VPS4B: variants seen among roughly 807,000 people sequenced by gnomAD.
The protein encoded by VPS4B is vacuolar protein sorting 4 homolog B, also known as vacuolar protein sorting-associated protein 4B.
VPS4B carries 23 observed loss-of-function variants against 56.1 expected under a neutral mutation model. The observed-to-expected ratio is 0.41, with a 90% CI of 0.30 to 0.58. The LOEUF is 0.58. VPS4B is among the 20% of genes least tolerant of loss of function. The pLI, the probability that VPS4B is intolerant of heterozygous loss-of-function variation, is 0.29. For synonymous variants in VPS4B, 177 were observed against 186.0 expected, an observed-to-expected ratio of 0.95 and a Z score of 0.39; for missense variants, 372 against 531.9, an observed-to-expected ratio of 0.70 and a Z score of 2.96.
intron 5 of VPS4B, among the ~76,000 whole-genome samples, chr18:63,401,661 G>C (rs866351528): frequency 6.6e-6 from 1 of 152,072 alleles, no homozygotes. Context: ...AAATAAAACA[G>C]GTGGGTTACA....
intron 1 of VPS4B, among the ~76,000 whole-genome samples, chr18:63,421,024 CAAGACTCCGTCTCAAA>C (rs1733904638): frequency 8.6e-6 from 1 of 116,576 alleles, no homozygotes; most frequent in Admixed American, 1.1e-4. Flanking sequence ...GGCGACCGTG[CAAGACTCCGTCTCAAA>C]AAAAAAAAAA....
At chr18:63,411,654 A>AAT in intron 1 of VPS4B, 76 bp from the exon 2 acceptor site, 2 of 994,534 alleles carry the variant, frequency 2.0e-6, no homozygotes, top group Non-Finnish European at 2.6e-6. Flanking sequence ...TCATACTGAA[A>AAT]GTTTTTTTTT....
intron 8 of VPS4B, among the ~76,000 whole-genome samples, chr18:63,399,005 A>G (rs1320857419): frequency 6.6e-6 from 1 of 152,188 alleles, no homozygotes; most frequent in African/African-American, 2.4e-5. Flanking sequence ...ATTAGGTAAT[A>G]TATTTTCTAA....
intron 1 of VPS4B, among the ~76,000 whole-genome samples, chr18:63,417,691 C>G (rs977336008): frequency 6.6e-6 from 1 of 151,802 alleles, no homozygotes; most frequent in Non-Finnish European, 1.5e-5. Flanking sequence ...ATTTATTGGC[C>G]TCTCTCTTCT....
intron 9 of VPS4B, among the ~76,000 whole-genome samples, chr18:63,394,505 A>C (rs945255784): frequency 8.7e-5 from 13 of 148,774 alleles, no homozygotes; most frequent in Admixed American, 4.7e-4. Flanking sequence ...CTCGCTTTGT[A>C]GCCCAGGCTG....
chr18:63,418,732 G>C (rs541291125), intron 1 of VPS4B, among the ~76,000 whole-genome samples: 242 of 152,184 alleles, frequency 1.6e-3, no homozygotes, highest in African/African-American at 5.5e-3. Context: ...TTCTTTTCCA[G>C]GCTCCCATTT....
chr18:63,402,642 G>A (rs1297993312), intron 5 of VPS4B, among the ~76,000 whole-genome samples: 1 of 152,182 alleles, frequency 6.6e-6, no homozygotes, highest in Admixed American at 6.5e-5. Context: ...AATTCATGAA[G>A]ATGATACATC....
chr18:63,412,781 C>G (rs1191395909), intron 1 of VPS4B, among the ~76,000 whole-genome samples: 1 of 152,136 alleles, frequency 6.6e-6, no homozygotes, highest in Non-Finnish European at 1.5e-5. Flanking sequence ...CCTGCATCAG[C>G]CTCCCCAAAT....
intron 3 of VPS4B, among the ~76,000 whole-genome samples, chr18:63,408,286 T>C (rs571181427): frequency 7.0e-6 from 1 of 142,070 alleles, no homozygotes; most frequent in East Asian, 2.3e-4. Context: ...TTTAAAACAA[T>C]AACATATAAA....
At chr18:63,411,913 A>C (rs899638451) in intron 1 of VPS4B, among the ~76,000 whole-genome samples, 7 of 152,192 alleles carry the variant, frequency 4.6e-5, no homozygotes, top group Non-Finnish European at 8.8e-5. Flanking sequence ...AAATAATAGA[A>C]TGTGAAAATT....
At chr18:63,415,250 C>A (rs1167075357) in intron 1 of VPS4B, 1 of 152,448 alleles carries the variant, frequency 6.6e-6, no homozygotes, top group Non-Finnish European at 1.5e-5. Flanking sequence ...TTCTGGAGAG[C>A]TAATTATTTT....
rs373274850 is a variant in VPS4B, at chr18:63,413,967, A to G, written c.28-2389T>C. The stretch of plus-strand genomic sequence containing the variant: ...GCCTAAATTCAAAGCTAAATTTTCA[A>G]GTTTTATCAGCTAGTATATGAACAT... On this transcript the variant is annotated intron_variant, in intron 1 of 10. Transcript: ENST00000238497. Among the ~76,000 whole-genome samples, 88 of 152,332 alleles carry G rather than the reference A, an allele frequency of 5.8e-4. 2 individuals carry two copies. In the South Asian group the frequency reaches 0.013, roughly 22 times the overall value.
chr18:63,404,224 ACT>A (rs1874319141), intron 4 of VPS4B, among the ~76,000 whole-genome samples: 2 of 152,212 alleles, frequency 1.3e-5, no homozygotes, highest in African/African-American at 2.4e-5. Context: ...TATCAAAAGT[ACT>A]TGTTCTACCA....
intron 5 of VPS4B, among the ~76,000 whole-genome samples, chr18:63,402,172 C>T (rs1429573785): frequency 6.6e-6 from 1 of 152,160 alleles, no homozygotes; most frequent in East Asian, 1.9e-4. Context: ...ATTTACAAGT[C>T]AGTGTCTGAG....
In VPS4B at chr18:63,420,469, C is replaced by A. The variant is rs376650271; in HGVS notation, c.27+1764G>T. 1.7e-4 allele frequency among the ~76,000 whole-genome samples: 26 copies of A among 152,018 alleles called. 1 individual carries two copies. In the East Asian group the frequency reaches 4.5e-3, roughly 26 times the overall value. On this transcript the variant is annotated intron_variant, in intron 1 of 10. Coordinates refer to ENST00000238497, the MANE Select transcript of VPS4B (RefSeq NM_004869.4). ...TCAAAACAACAACAACAAAAACCTGCAAATGATGAAGATTATGTTGTAGAG... is the reference window on the plus strand; with the variant it reads ...TCAAAACAACAACAACAAAAACCTGAAAATGATGAAGATTATGTTGTAGAG...
In VPS4B at chr18:63,390,585, A is replaced by G. The variant is rs183983701; in HGVS notation, c.*390T>C. The stretch of plus-strand genomic sequence containing the variant: ...TACATTGATAAGAATGATGTTTAAC[A>G]ATTTTTTTGAAAATATAAAATAAAC... On this transcript the variant is annotated 3_prime_UTR_variant, in exon 11 of 11. Transcript: ENST00000238497. 1 of 153,426 alleles carries G rather than the reference A, an allele frequency of 6.5e-6. No homozygotes were observed. The highest frequency in any genetic ancestry group is 2.4e-5 in the African/African-American group (1 of 41,458). 9.5% of individuals were successfully genotyped at this position (153,426 alleles called of 1,614,324 possible).
intron 1 of VPS4B, chr18:63,415,655 G>T (rs530074151): frequency 4.1e-6 from 1 of 246,206 alleles, no homozygotes. Context: ...CCAGTTGGTT[G>T]AGCAGTTCCA....
chr18:63,393,708 AT>A (rs1243400633), intron 9 of VPS4B, 159 bp from the exon 10 acceptor site: 11 of 785,156 alleles, frequency 1.4e-5, no homozygotes, highest in Non-Finnish European at 1.8e-5. Context: ...AAAAGTAGTT[AT>A]CCCCTGGGTA....
At position 63,389,783 on chromosome 18, in the gene VPS4B, C is replaced by T. The variant is rs1915502546; in HGVS notation, c.*1192G>A. On this transcript the variant is annotated 3_prime_UTR_variant, in exon 11 of 11. Transcript: ENST00000238497. ...AAAAAAGGAAATATACATATATGTA[C>T]ACAGACACCCCATATCACAGACAAG... is the stretch of plus-strand genomic sequence containing the variant. 1 of 152,562 alleles carries T rather than the reference C, an allele frequency of 6.6e-6. No individual in the cohort carries two copies. Among genetic ancestry groups the T allele is most frequent in the Non-Finnish European group, 1.5e-5 (1 of 68,018 alleles). 9.5% of individuals were successfully genotyped at this position (152,562 alleles called of 1,614,324 possible). A position where few individuals can be genotyped will look rare whatever the true frequency, so the allele number is the denominator to read the frequency against.
Sources: gnomAD v4.1 joint callset for allele counts (sites outside exome capture counted in the v4.1 genomes callset) on GRCh38, gnomAD v4.1.1 for gene constraint, MANE v1.5 for transcripts, NCBI Gene and HGNC (gene_info 2026-07-23, HGNC 2026-07-21) for gene names.